SEMA3A: variants seen among roughly 807,000 people sequenced by gnomAD.
SEMA3A encodes semaphorin-3A.
Under a neutral mutation model 97.9 loss-of-function variants are expected in SEMA3A, and 29 were observed. That is an observed-to-expected ratio of 0.30 (90% confidence interval 0.22 to 0.40). The LOEUF (loss-of-function observed/expected upper bound fraction) is 0.40. Ranked by LOEUF, SEMA3A falls within the 10% of genes least tolerant of loss-of-function variation. The pLI is 1.00. For synonymous variants in SEMA3A, 321 were observed against 323.7 expected (o/e 0.99, Z 0.09); for missense variants, 763 against 951.3 (o/e 0.80, Z 2.60).
chr7:84,332,671 G>GTA (rs1231980476), intron 2 of SEMA3A, among the ~76,000 whole-genome samples: 1 of 109,896 alleles, frequency 9.1e-6, no homozygotes, highest in Non-Finnish European at 1.7e-5. Context: ...ATATGTGTGT[G>GTA]TATACACACA....
intron 1 of SEMA3A, among the ~76,000 whole-genome samples, chr7:84,404,608 T>G (rs181943949): frequency 0.026 from 3,956 of 151,856 alleles, 147 homozygotes; most frequent in African/African-American, 0.089. Context: ...TCACCAAAGT[T>G]GAAATGAAGG....
chr7:84,473,817 G>C (rs1806213512), intron 1 of SEMA3A, among the ~76,000 whole-genome samples: 1 of 152,074 alleles, frequency 6.6e-6, no homozygotes. Context: ...CTAAACATTG[G>C]TTCTAAGAGT....
At position 84,110,593 on chromosome 7, in the gene SEMA3A, T is replaced by C. The variant is rs752302435; in HGVS notation, c.334-4A>G. 1.2e-6 allele frequency: 2 copies of C among 1,613,426 alleles called. No homozygotes were observed. The highest frequency in any genetic ancestry group is 4.5e-5 in the East Asian group (2 of 44,828). ...TGATGAAATTAGCACATTCTTTCTGTAAGACAAAAGGAAAACCAAAGAGTT... is the reference window on the plus strand; with the variant it reads ...TGATGAAATTAGCACATTCTTTCTGCAAGACAAAAGGAAAACCAAAGAGTT... On this transcript the variant is annotated splice_polypyrimidine_tract_variant and splice_region_variant and intron_variant, in intron 3 of 16. Transcript: ENST00000265362.
At chr7:84,425,412 C>T (rs1165577277) in intron 1 of SEMA3A, among the ~76,000 whole-genome samples, 1 of 125,282 alleles carries the variant, frequency 8.0e-6, no homozygotes, top group Non-Finnish European at 1.6e-5. Flanking sequence ...TAAATATATG[C>T]CTATATTTAT....
chr7:84,327,830 C>T (rs1031947741), intron 2 of SEMA3A, among the ~76,000 whole-genome samples: 1 of 151,954 alleles, frequency 6.6e-6, no homozygotes, highest in African/African-American at 2.4e-5. Context: ...AGCTATGGAA[C>T]ATGGTCTCTT....
At chr7:84,190,728 AAT>A (rs926392350) in intron 1 of SEMA3A, among the ~76,000 whole-genome samples, 74 of 147,600 alleles carry the variant, frequency 5.0e-4, no homozygotes, top group African/African-American at 1.5e-3. Context: ...GTATATATAT[AAT>A]ATATATACAC....
At chr7:84,464,744 G>A (rs1025637835) in intron 1 of SEMA3A, among the ~76,000 whole-genome samples, 1 of 152,088 alleles carries the variant, frequency 6.6e-6, no homozygotes, top group Non-Finnish European at 1.5e-5. Flanking sequence ...TATCAAAGAC[G>A]GGGAAAGTTA....
At chr7:84,189,814 T>G (rs1045103509) in intron 1 of SEMA3A, among the ~76,000 whole-genome samples, 1 of 151,654 alleles carries the variant, frequency 6.6e-6, no homozygotes, top group African/African-American at 2.4e-5. Context: ...CTATAGAATT[T>G]AAGTATAATT....
chr7:84,049,062 T>G lies in SEMA3A; in HGVS notation c.548-2619A>C, dbSNP rs184596433. On this transcript the variant is annotated intron_variant, in intron 5 of 16. Coordinates refer to ENST00000265362, the MANE Select transcript of SEMA3A (RefSeq NM_006080.3). ...TCTCTTTTCACAAAAGGTAAGAAGG[T>G]CCTTCAGAGAAAGTAGAACAGGTAT... is the stretch of plus-strand genomic sequence containing the variant. Among the ~76,000 whole-genome samples, 313 of 152,150 alleles carry G rather than the reference T, an allele frequency of 2.1e-3. 2 individuals are homozygous for G. The highest frequency in any genetic ancestry group is 7.0e-3 in the African/African-American group (289 of 41,510).
At chr7:84,409,619 G>A (rs2116245307) in intron 1 of SEMA3A, among the ~76,000 whole-genome samples, 1 of 152,096 alleles carries the variant, frequency 6.6e-6, no homozygotes. Flanking sequence ...ACCATCCATA[G>A]ATACAAAATA....
intron 2 of SEMA3A, 62 bp from the exon 3 acceptor site, chr7:84,129,247 T>C (rs796669556): frequency 7.6e-7 from 1 of 1,319,556 alleles, no homozygotes; most frequent in East Asian, 2.3e-5. Context: ...TCCAACACCA[T>C]ATAGTCTTTT....
chr7:84,482,139 TC>T (rs1554394786), intron 1 of SEMA3A, among the ~76,000 whole-genome samples: 1 of 50,292 alleles, frequency 2.0e-5, no homozygotes, highest in Non-Finnish European at 3.5e-5. Flanking sequence ...TTCAAACTTC[TC>T]ATCGTATAAG....
Position 84,194,666 on chromosome 7 carries a change from A to C in SEMA3A, c.-80T>G. ...GGCCAGAGAAGTTCAAACAATCTGGAAACTGGAGGTAACAGGTGATTTAGG... is the reference window on the plus strand; with the variant it reads ...GGCCAGAGAAGTTCAAACAATCTGGCAACTGGAGGTAACAGGTGATTTAGG... On this transcript the variant is annotated 5_prime_UTR_variant, in exon 1 of 17. Coordinates refer to ENST00000265362, the MANE Select transcript of SEMA3A (RefSeq NM_006080.3). 1 of 858,010 alleles carries C rather than the reference A, an allele frequency of 1.2e-6. No homozygotes were observed. The highest frequency in any genetic ancestry group is 1.4e-5 in the South Asian group (1 of 69,014). 53.1% of individuals were successfully genotyped at this position (858,010 alleles called of 1,614,324 possible).
chr7:84,344,553 C>A (rs548065954), intron 2 of SEMA3A, among the ~76,000 whole-genome samples: 1 of 151,986 alleles, frequency 6.6e-6, no homozygotes, highest in Non-Finnish European at 1.5e-5. Flanking sequence ...GTTAGAGTCA[C>A]GAAAAAGACA....
chr7:83,992,171 C>G (rs1291917389), intron 12 of SEMA3A, among the ~76,000 whole-genome samples: 3 of 150,962 alleles, frequency 2.0e-5, no homozygotes, highest in Non-Finnish European at 4.4e-5. Context: ...GTGATATCCC[C>G]TTTATCATTT....
chr7:84,022,312 G>C (rs908581422), intron 6 of SEMA3A, among the ~76,000 whole-genome samples: 4 of 152,028 alleles, frequency 2.6e-5, no homozygotes, highest in African/African-American at 9.7e-5. Context: ...TATTCACAAA[G>C]GAAGCTATTC....
intron 1 of SEMA3A, among the ~76,000 whole-genome samples, chr7:84,470,569 G>A (rs889826803): frequency 5.9e-5 from 9 of 152,052 alleles, no homozygotes; most frequent in African/African-American, 2.2e-4. Context: ...AACTTGAAGC[G>A]TAATGAATGT....
intron 1 of SEMA3A, among the ~76,000 whole-genome samples, chr7:84,390,571 A>T (rs1335344604): frequency 6.6e-6 from 1 of 151,988 alleles, no homozygotes; most frequent in Non-Finnish European, 1.5e-5. Context: ...CACACTTGTC[A>T]GTCTAATACA....
At chr7:84,176,236 T>C (rs1562832638) in intron 1 of SEMA3A, among the ~76,000 whole-genome samples, 1 of 152,160 alleles carries the variant, frequency 6.6e-6, no homozygotes, top group Non-Finnish European at 1.5e-5. Context: ...TGCTGTAAAT[T>C]GCCAAAGCAA....
Sources: allele counts gnomAD v4.1 joint callset (sites outside exome capture counted in the v4.1 genomes callset), GRCh38; gene constraint gnomAD v4.1.1; transcripts MANE v1.5; gene names NCBI Gene and HGNC (gene_info 2026-07-23, HGNC 2026-07-21).